LHX1: variants seen among roughly 807,000 people sequenced by gnomAD.
LHX1 encodes the protein LIM homeobox 1.
Under a neutral mutation model 34.1 loss-of-function variants are expected in LHX1, and 9 were observed. That is an observed-to-expected ratio of 0.26 (90% confidence interval 0.16 to 0.46). The LOEUF is 0.46. Ranked by LOEUF, LHX1 falls within the 20% of genes least tolerant of loss-of-function variation. The pLI, the probability that LHX1 is intolerant of heterozygous loss-of-function variation, is 1.00. For missense variants in LHX1, 446 were observed against 559.1 expected (o/e 0.80, Z 2.04); for synonymous variants, 254 against 241.5 (o/e 1.05, Z -0.48).
In LHX1 at chr17:36,943,316, A is replaced by G; in HGVS notation, c.*185A>G. On this transcript the variant is annotated 3_prime_UTR_variant, in exon 5 of 5. Transcript: ENST00000614239. ...CGAAATAGGATCCAAATCGGCCTCGAGGTGGGACTGGGATCCGCGCACTGG... is the reference window on the plus strand; with the variant it reads ...CGAAATAGGATCCAAATCGGCCTCGGGGTGGGACTGGGATCCGCGCACTGG... The G allele has an allele frequency of 1.4e-6, 1 of 708,434 alleles. No homozygotes were observed. The highest frequency in any genetic ancestry group is 3.0e-5 in the East Asian group (1 of 33,816). 43.9% of individuals were successfully genotyped at this position (708,434 alleles called of 1,614,324 possible).
chr17:36,936,812 C>T (rs75027225), upstream of LHX1: 9,974 of 174,430 alleles, frequency 0.057, 606 homozygotes, highest in African/African-American at 0.15. Context: ...ACCAAGCCGC[C>T]GGAGCTGGGG....
chr17:36,940,655 C>T lies in LHX1; in HGVS notation c.443C>T (p.Pro148Leu). 6.2e-7 allele frequency: 1 copy of T among 1,613,872 alleles called. No homozygotes were observed. The highest frequency in any genetic ancestry group is 8.5e-7 in the Non-Finnish European group (1 of 1,180,044). Residue 148 changes from proline to leucine, a missense_variant, in exon 3 of 5, where the codon CCG (proline) becomes CTG (leucine). This residue lies in a region of LHX1 where 168 missense variants were observed against 226.6 expected (regional missense o/e 0.74). Transcript: ENST00000614239. ...DPSLSPDSQD[P>L]SQDDAKDSES... ...AGTTTGTCTCCGGATTCCCAAGACC[C>T]GTCGCAGGACGACGCCAAGGACTCG...
chr17:36,938,634 C>T (rs1317964663), intron 1 of LHX1: 7 of 573,734 alleles, frequency 1.2e-5, no homozygotes, highest in South Asian at 1.2e-4. Flanking sequence ...GCCCAGAAGC[C>T]CCTTCAAGCT....
At chr17:36,940,258 C>CGGGGGGGGGG in intron 1 of LHX1, 32 bp from the exon 2 acceptor site, 8 of 528,876 alleles carry the variant, frequency 1.5e-5, no homozygotes, top group African/African-American at 2.1e-5. Flanking sequence ...GACCCATCCC[C>CGGGGGGGGGG]GCCCCCGCCC....
At chr17:36,936,836 G>T (rs1463960194), upstream of LHX1, 20 of 178,316 alleles carry the variant, frequency 1.1e-4, no homozygotes, top group South Asian at 7.2e-4. Flanking sequence ...GACGCACCGG[G>T]GCGGCGACTG....
chr17:36,938,158 CCT>C lies in LHX1; in HGVS notation c.-29_-28del, dbSNP rs147798700. On this transcript the variant is annotated 5_prime_UTR_variant, in exon 1 of 5. Transcript: ENST00000614239. The stretch of plus-strand genomic sequence containing the variant: ...GTCATCCCCTGGGCTCTACTTTGCC[CCT>C]CTCTCTCTCTGGGCCTCATCAGACC... The C allele has an allele frequency of 4.2e-4, 659 of 1,560,562 alleles. No homozygotes were observed. The highest frequency in any genetic ancestry group is 6.6e-4 in the Middle Eastern group (3 of 4,578).
rs781334390 is a variant in LHX1, at chr17:36,938,317, G to T, written c.120G>T (p.Glu40Asp). 2.5e-6 allele frequency: 4 copies of T among 1,614,238 alleles called. No homozygotes were observed. The Admixed American group carries it at 6.7e-5, about 27-fold the overall frequency. The change falls in exon 1 of 5, where the codon GAG becomes GAT. Residue 40 changes from glutamate to aspartate, a missense_variant. Transcript: ENST00000614239. Reference protein sequence around the residue: ...QCCECKCNLTEKCFSREGKLY... With the variant: ...QCCECKCNLTDKCFSREGKLY... ...GTGAATGTAAATGCAACCTGACCGA[G>T]AAGTGCTTCTCCAGGGAAGGCAAAC...
Position 36,937,841 on chromosome 17 carries a change from C to T in LHX1, c.-357C>T, listed in dbSNP as rs908592046. 6 of 556,394 alleles carry T rather than the reference C, an allele frequency of 1.1e-5. No individual in the cohort carries two copies. The East Asian group carries it at 2.6e-4, about 24-fold the overall frequency. The allele number at this position is 556,394 out of a possible 1,614,324, so 34.5% of individuals were successfully genotyped here. On this transcript the variant is annotated 5_prime_UTR_variant, in exon 1 of 5. Transcript: ENST00000614239. ...CCGTTTTTATTTATTTATTTCCGTTCCCGCCGCCGTTCTCGCTGACCTTCA... is the reference window on the plus strand; with the variant it reads ...CCGTTTTTATTTATTTATTTCCGTTTCCGCCGCCGTTCTCGCTGACCTTCA...
chr17:36,938,416 TC>T, intron 1 of LHX1, 49 bp downstream of exon 1: 1 of 1,556,516 alleles, frequency 6.4e-7, no homozygotes, highest in Non-Finnish European at 8.9e-7. Context: ...CGCGGGCCCT[TC>T]CCGGCCAGCT....
chr17:36,937,941 A>G lies in LHX1; in HGVS notation c.-257A>G. Reference sequence around the variant, plus strand: ...CTTCTTTTCCTCGCCCCGGGAGCTCAGGCGGCGCCGCTCCAGCCCGGGGCC... The same window carrying G: ...CTTCTTTTCCTCGCCCCGGGAGCTCGGGCGGCGCCGCTCCAGCCCGGGGCC... On this transcript the variant is annotated 5_prime_UTR_variant, in exon 1 of 5. Transcript: ENST00000614239. The G allele has an allele frequency of 1.7e-6, 1 of 598,602 alleles. No homozygotes were observed. The highest frequency in any genetic ancestry group is 3.0e-6 in the Non-Finnish European group (1 of 332,804). The allele number at this position is 598,602 out of a possible 1,614,324, so 37.1% of individuals were successfully genotyped here.
In LHX1 at chr17:36,940,311, A is replaced by T. The variant is rs1487859281; in HGVS notation, c.192A>T (p.Ala64=). 3 of 1,279,508 alleles carry T rather than the reference A, an allele frequency of 2.3e-6. No homozygotes were observed. Among genetic ancestry groups the T allele is most frequent in the South Asian group, 2.4e-5 (2 of 81,884 alleles). 79.3% of individuals were successfully genotyped at this position (1,279,508 alleles called of 1,614,324 possible). The change falls in exon 2 of 5, where the codon GCA becomes GCT. Residue 64 remains alanine, a synonymous_variant. Transcript: ENST00000614239. ...DFFRCFGTKC[A]GCAQGISPSD... ...GCAGGTGTTTCGGTACCAAATGCGCAGGCTGCGCTCAGGGCATCTCCCCTA... is the reference window on the plus strand; with the variant it reads ...GCAGGTGTTTCGGTACCAAATGCGCTGGCTGCGCTCAGGGCATCTCCCCTA...
intron 3 of LHX1, among the ~76,000 whole-genome samples, chr17:36,941,833 T>G (rs941985813): frequency 2.0e-5 from 3 of 152,102 alleles, no homozygotes; most frequent in African/African-American, 7.2e-5. Flanking sequence ...GACCGTGAAA[T>G]GGAAACGCGG....
In LHX1 at chr17:36,940,897, C is replaced by T. The variant is rs1320070608; in HGVS notation, c.675+10C>T. The stretch of plus-strand genomic sequence containing the variant: ...CATGCGCGTCATTCAGGTCAGGCCC[C>T]GGCGCGCCTCTCCATCCCACAGAGG... On this transcript the variant is annotated intron_variant, in intron 3 of 4. Coordinates refer to ENST00000614239, the MANE Select transcript of LHX1 (RefSeq NM_005568.5). 5 of 1,573,478 alleles carry T rather than the reference C, an allele frequency of 3.2e-6. No homozygotes were observed. The highest frequency in any genetic ancestry group is 1.8e-5 in the Admixed American group (1 of 54,548).
rs2070735438 is a variant in LHX1, at chr17:36,937,620, T to C, written c.-578T>C. On this transcript the variant is annotated 5_prime_UTR_variant, in exon 1 of 5. Transcript: ENST00000614239. Reference sequence around the variant, plus strand: ...AGGATCCAAAGCTTCTCTGCTCCTTTTGTTCTTTCCTTCCCTTTTTTAAAA... The same window carrying C: ...AGGATCCAAAGCTTCTCTGCTCCTTCTGTTCTTTCCTTCCCTTTTTTAAAA... The C allele has an allele frequency of 6.0e-6, 2 of 335,432 alleles. No individual in the cohort carries two copies. The highest frequency in any genetic ancestry group is 1.2e-5 in the Non-Finnish European group (2 of 170,784). 20.8% of individuals were successfully genotyped at this position (335,432 alleles called of 1,614,324 possible).
In LHX1 at chr17:36,937,791, C is replaced by T. The variant is rs1436659811; in HGVS notation, c.-407C>T. The T allele has an allele frequency of 2.1e-6, 1 of 478,712 alleles. No homozygotes were observed. The highest frequency in any genetic ancestry group is 4.1e-6 in the Non-Finnish European group (1 of 242,584). 29.7% of individuals were successfully genotyped at this position (478,712 alleles called of 1,614,324 possible). ...CGGCGCTTTCCTCGCAACCCGAGCT[C>T]GGCGAGTCGTCGTCTTCTTCTTCTC... On this transcript the variant is annotated 5_prime_UTR_variant, in exon 1 of 5. Coordinates refer to ENST00000614239, the MANE Select transcript of LHX1 (RefSeq NM_005568.5).
rs1452805912 is a variant in LHX1, at chr17:36,944,465, A to G, written c.*1334A>G. ...AGTCAACAGCTGCTACTTTTTCTTT[A>G]TATATTAAATTTCTCATATGTCTTT... On this transcript the variant is annotated 3_prime_UTR_variant, in exon 5 of 5. Transcript: ENST00000614239. 1 of 152,180 alleles carries G rather than the reference A, an allele frequency of 6.6e-6. No individual in the cohort carries two copies. The highest frequency in any genetic ancestry group is 2.1e-4 in the South Asian group (1 of 4,830). 9.4% of individuals were successfully genotyped at this position (152,180 alleles called of 1,614,324 possible). A position where few individuals can be genotyped will look rare whatever the true frequency, so the allele number is the denominator to read the frequency against.
Position 36,942,996 on chromosome 17 carries a change from C to T in LHX1, c.1086C>T (p.Pro362=), listed in dbSNP as rs151062337. ...CGCCCAGCCCCGAGCCCAGCCTGCC[C>T]GGGCCTCTGCACTCCATGTCGGCCG... ...GDSPSPEPSL[P]GPLHSMSAEV... Residue 362 remains proline (P), a synonymous_variant, in exon 5 of 5, where the codon CCC becomes CCT. Coordinates refer to ENST00000614239, the MANE Select transcript of LHX1 (RefSeq NM_005568.5). 4.0e-5 allele frequency: 64 copies of T among 1,611,356 alleles called. No individual in the cohort carries two copies. The African/African-American group carries it at 7.9e-4, about 20-fold the overall frequency.
chr17:36,938,859 C>G (rs2070746677), intron 1 of LHX1: 1 of 279,812 alleles, frequency 3.6e-6, no homozygotes, highest in African/African-American at 2.2e-5. Flanking sequence ...ACTGCCCTGT[C>G]AGCGGCAGGA....
intron 4 of LHX1, 69 bp downstream of exon 4, chr17:36,942,434 C>CG (rs912760449): frequency 1.6e-4 from 240 of 1,456,932 alleles, no homozygotes; most frequent in Middle Eastern, 2.3e-4. Context: ...GGTGGCAGCG[C>CG]GGGGGGGCAC....
Sources: allele counts gnomAD v4.1 joint callset (sites outside exome capture counted in the v4.1 genomes callset), GRCh38; gene constraint gnomAD v4.1.1; regional missense constraint gnomAD v4.1.1; transcripts MANE v1.5; gene names NCBI Gene and HGNC (gene_info 2026-07-23, HGNC 2026-07-21).